SPATA31H1: variants seen among roughly 807,000 people sequenced by gnomAD.
SPATA31H1 encodes SPATA31 subfamily H member 1, also known as spermatogenesis-associated protein 31H1.
chr2:27,571,635 G>C, the SPATA31H1 span: 1 of 398,354 alleles, frequency 2.5e-6, no homozygotes, highest in Non-Finnish European at 4.4e-6. Context: ...TAAATCTATG[G>C]AGACGCTTCA....
chr2:27,577,399 C>G, the SPATA31H1 span: 1 of 1,614,080 alleles, frequency 6.2e-7, no homozygotes, highest in Non-Finnish European at 8.5e-7. This position sits in a 1 kb window ranked among gnomAD's most constrained non-coding sequence, Gnocchi z 4.5. Flanking sequence ...TTTACAGAAG[C>G]TATGGGGTTG....
the SPATA31H1 span, among the ~76,000 whole-genome samples, chr2:27,540,473 G>A: frequency 1.5e-4 from 19 of 125,018 alleles, no homozygotes; most frequent in South Asian, 2.9e-4. Context: ...AGGGGCGGCC[G>A]GGCAGAGGAG....
the SPATA31H1 span, chr2:27,580,211 C>T: frequency 6.2e-7 from 1 of 1,614,162 alleles, no homozygotes; most frequent in Non-Finnish European, 8.5e-7. Flanking sequence ...GTCCTACTTC[C>T]ACAATAGATT....
the SPATA31H1 span, chr2:27,581,295 C>T: frequency 1.5e-5 from 25 of 1,613,938 alleles, 1 homozygote; most frequent in Admixed American, 1.5e-4. Flanking sequence ...GAGAAGCCAA[C>T]GCAGTTCCTT....
the SPATA31H1 span, chr2:27,566,133 T>C: frequency 1.4e-6 from 1 of 717,406 alleles, no homozygotes; most frequent in Non-Finnish European, 2.6e-6. Context: ...ATTCTACTGA[T>C]AAATTCTGTG....
the SPATA31H1 span, chr2:27,581,959 G>T: frequency 6.2e-7 from 1 of 1,613,516 alleles, no homozygotes; most frequent in African/African-American, 1.3e-5. Flanking sequence ...CCCTCTGAGA[G>T]AAGCCATCAC....
chr2:27,574,204 G>A, the SPATA31H1 span: 8 of 398,244 alleles, frequency 2.0e-5, no homozygotes, highest in Non-Finnish European at 3.5e-5. Flanking sequence ...TCAGGCCCAC[G>A]GTTGCAAGAT....
chr2:27,581,026 G>T, the SPATA31H1 span: 116 of 1,614,032 alleles, frequency 7.2e-5, no homozygotes, highest in Non-Finnish European at 9.7e-5. Flanking sequence ...AGTAGTAGCA[G>T]ATCAAAGAAA....
chr2:27,565,956 T>C, the SPATA31H1 span: 1 of 708,176 alleles, frequency 1.4e-6, no homozygotes, highest in Non-Finnish European at 2.6e-6. Flanking sequence ...CATCTTTGTT[T>C]CCTTATTTGC....
chr2:27,543,269 A>T, the SPATA31H1 span, among the ~76,000 whole-genome samples: 2 of 151,752 alleles, frequency 1.3e-5, no homozygotes, highest in Non-Finnish European at 2.9e-5. Flanking sequence ...CCTCCTTAGG[A>T]ACTTAAAAAG....
At chr2:27,559,057 T>G in the SPATA31H1 span, among the ~76,000 whole-genome samples, 1 of 152,220 alleles carries the variant, frequency 6.6e-6, no homozygotes, top group Admixed American at 6.5e-5. Context: ...TCTCTTAGTC[T>G]TCAGTCAGTC....
At chr2:27,548,204 C>G in the SPATA31H1 span, among the ~76,000 whole-genome samples, 1 of 151,432 alleles carries the variant, frequency 6.6e-6, no homozygotes. Flanking sequence ...CTCCTGACCT[C>G]GTGATCTGCC....
the SPATA31H1 span, chr2:27,576,078 G>C: frequency 2.5e-6 from 1 of 399,992 alleles, no homozygotes; most frequent in Admixed American, 4.3e-5. Flanking sequence ...GGTGCAGTAT[G>C]TGAATTCTTC....
the SPATA31H1 span, among the ~76,000 whole-genome samples, chr2:27,544,827 C>A: frequency 6.6e-6 from 1 of 151,632 alleles, no homozygotes; most frequent in Non-Finnish European, 1.5e-5. Context: ...GGATTATAGG[C>A]CTAAGCCACT....
the SPATA31H1 span, among the ~76,000 whole-genome samples, chr2:27,566,541 T>C: frequency 1.3e-5 from 2 of 152,152 alleles, no homozygotes; most frequent in African/African-American, 4.8e-5. Flanking sequence ...GGATCATTTC[T>C]GGGTGGAATG....
chr2:27,582,556 C>T, the SPATA31H1 span: 19 of 1,543,942 alleles, frequency 1.2e-5, no homozygotes, highest in South Asian at 2.1e-4. Context: ...TATTCATTGT[C>T]CTAAGTCTTC....
At chr2:27,560,856 A>G in the SPATA31H1 span, among the ~76,000 whole-genome samples, 1 of 152,216 alleles carries the variant, frequency 6.6e-6, no homozygotes, top group Non-Finnish European at 1.5e-5. Flanking sequence ...GACAACCCAG[A>G]TAATGTGAAC....
the SPATA31H1 span, among the ~76,000 whole-genome samples, chr2:27,559,619 C>CTACT: frequency 6.6e-6 from 1 of 152,076 alleles, no homozygotes; most frequent in African/African-American, 2.4e-5. Flanking sequence ...TTTTCCCCTT[C>CTACT]TACTAGCTTG....
the SPATA31H1 span, among the ~76,000 whole-genome samples, chr2:27,549,166 A>T: frequency 6.6e-5 from 10 of 151,830 alleles, no homozygotes; most frequent in Non-Finnish European, 1.5e-4. Context: ...TTGTCATTTA[A>T]CATGTTCCCT....
Sources: gnomAD v4.1 joint callset for allele counts (sites outside exome capture counted in the v4.1 genomes callset) on GRCh38, gnomAD v4.1.1 for gene constraint, Gnocchi (gnomAD v3.1) non-coding constraint, MANE v1.5 for transcripts, NCBI Gene and HGNC (gene_info 2026-07-23, HGNC 2026-07-21) for gene names.